TTLL5: variants seen among roughly 807,000 people sequenced by gnomAD.
The protein encoded by TTLL5 is tubulin tyrosine ligase like 5, also known as tubulin polyglutamylase TTLL5.
TTLL5 carries 132 observed loss-of-function variants against 168.4 expected under a neutral mutation model. The observed-to-expected ratio is 0.78, with a 90% confidence interval of 0.68 to 0.91. TTLL5 has a LOEUF of 0.91. Among genes scored for constraint, TTLL5 ranks in the 40% least tolerant of loss-of-function variants. The pLI is 0.00. For missense variants in TTLL5, 1,545 were observed against 1,581.5 expected, an observed-to-expected ratio of 0.98 and a Z score of 0.39; for synonymous variants, 546 against 558.6, an observed-to-expected ratio of 0.98 and a Z score of 0.32.
intron 29 of TTLL5, 96 bp downstream of exon 29, chr14:75,863,958 A>G (rs1331922405): frequency 7.8e-7 from 1 of 1,288,042 alleles, no homozygotes; most frequent in African/African-American, 1.6e-5. Flanking sequence ...GAAATGTAGG[A>G]TTAGTTTTCC....
intron 28 of TTLL5, among the ~76,000 whole-genome samples, chr14:75,836,456 A>G (rs1037459951): frequency 1.3e-5 from 2 of 152,168 alleles, no homozygotes; most frequent in African/African-American, 4.8e-5. Context: ...ACAAAAAAAA[A>G]ATAGAATGAG....
At chr14:75,786,964 C>A (rs1455582135) in intron 26 of TTLL5, among the ~76,000 whole-genome samples, 2 of 152,098 alleles carry the variant, frequency 1.3e-5, no homozygotes, top group Non-Finnish European at 2.9e-5. Flanking sequence ...AAAACCCAAT[C>A]TCTACTGAAA....
chr14:75,675,044 A>G (rs1884032480), intron 3 of TTLL5, among the ~76,000 whole-genome samples: 1 of 152,176 alleles, frequency 6.6e-6, no homozygotes, highest in Admixed American at 6.5e-5. Flanking sequence ...TTTAAAAAGT[A>G]AATTCATATA....
At chr14:75,952,441 GAAACAGTTTGACAGTTCCTT>G (rs2034990475) in intron 31 of TTLL5, among the ~76,000 whole-genome samples, 1 of 152,224 alleles carries the variant, frequency 6.6e-6, no homozygotes, top group African/African-American at 2.4e-5. Flanking sequence ...ACTGCTTTTG[GAAACAGTTTGACAGTTCCTT>G]AAACAGTTTA....
At chr14:75,688,564 C>G (rs1304100624) in intron 5 of TTLL5, among the ~76,000 whole-genome samples, 1 of 152,172 alleles carries the variant, frequency 6.6e-6, no homozygotes, top group Non-Finnish European at 1.5e-5. Flanking sequence ...CTATTTATAG[C>G]CAGGTGGTTA....
At chr14:75,827,200 G>GT (rs1382887122) in intron 28 of TTLL5, among the ~76,000 whole-genome samples, 2 of 152,096 alleles carry the variant, frequency 1.3e-5, no homozygotes, top group Non-Finnish European at 2.9e-5. Flanking sequence ...AAACAAAATT[G>GT]TACTTGCTTG....
chr14:75,776,120 G>A (rs931545358), intron 22 of TTLL5, among the ~76,000 whole-genome samples: 1 of 152,046 alleles, frequency 6.6e-6, no homozygotes, highest in Non-Finnish European at 1.5e-5. Flanking sequence ...TCTATATCCC[G>A]GGATCTCAGA....
In TTLL5 at chr14:75,761,578, A is replaced by T. The variant is rs1390265260; in HGVS notation, c.1551-3037A>T. ...GCATGCTGAGTGAAAGAAGCCTTAT[A>T]CAAAACAGTTCATACTGTATGGTTT... On this transcript the variant is annotated intron_variant, in intron 18 of 31. Coordinates refer to ENST00000298832, the MANE Select transcript of TTLL5 (RefSeq NM_015072.5). Among the ~76,000 whole-genome samples, 3 of 152,342 alleles carry T rather than the reference A, an allele frequency of 2.0e-5. No homozygotes were observed. The East Asian group carries it at 5.8e-4, about 29-fold the overall frequency.
intron 9 of TTLL5, among the ~76,000 whole-genome samples, chr14:75,714,322 TGTAATTA>T (rs1330697971): frequency 3.3e-5 from 5 of 152,232 alleles, no homozygotes; most frequent in African/African-American, 1.2e-4. Flanking sequence ...TCTTACCCTT[TGTAATTA>T]GTAAGTATTT....
At chr14:75,694,989 C>T (rs1474629469) in intron 6 of TTLL5, among the ~76,000 whole-genome samples, 1 of 152,018 alleles carries the variant, frequency 6.6e-6, no homozygotes, top group Non-Finnish European at 1.5e-5. Flanking sequence ...AATCTGGGCA[C>T]CTTGAAAAAA....
intron 28 of TTLL5, among the ~76,000 whole-genome samples, chr14:75,845,413 T>C (rs1896492688): frequency 6.6e-6 from 1 of 152,222 alleles, no homozygotes; most frequent in South Asian, 2.1e-4. Context: ...CACTTTTTAG[T>C]ACTTACACAT....
At chr14:75,677,298 T>C (rs1884237019) in intron 3 of TTLL5, among the ~76,000 whole-genome samples, 1 of 151,906 alleles carries the variant, frequency 6.6e-6, no homozygotes, top group African/African-American at 2.4e-5. Flanking sequence ...ATAGAGAAAT[T>C]AAACAATTTA....
chr14:75,745,356 C>T (rs536422165), intron 16 of TTLL5, 134 bp from the exon 17 acceptor site: 8 of 1,197,388 alleles, frequency 6.7e-6, no homozygotes, highest in South Asian at 2.8e-5. Context: ...CAGGGAAGAA[C>T]ATTTTAAATG....
chr14:75,737,465 G>A (rs1888981753), intron 15 of TTLL5: 1 of 1,227,876 alleles, frequency 8.1e-7, no homozygotes, highest in Admixed American at 2.7e-5. Context: ...TTTCTGCTTG[G>A]AGATTATTTT....
rs532915488 is a variant in TTLL5, at chr14:75,768,163, T to A, written c.2015+1795T>A. The stretch of plus-strand genomic sequence containing the variant: ...GGTTCAGCAAGGATAAAAAAAGAAT[T>A]GAGCCCTGGGGAATACCACTGTTCA... On this transcript the variant is annotated intron_variant, in intron 20 of 31. Coordinates refer to ENST00000298832, the MANE Select transcript of TTLL5 (RefSeq NM_015072.5). Among the ~76,000 whole-genome samples the A allele has an allele frequency of 4.6e-5, 7 of 152,236 alleles. No individual in the cohort carries two copies. In the South Asian group the frequency reaches 1.5e-3, roughly 32 times the overall value.
chr14:75,737,814 C>T (rs557083305), intron 15 of TTLL5, among the ~76,000 whole-genome samples: 1 of 152,222 alleles, frequency 6.6e-6, no homozygotes, highest in South Asian at 2.1e-4. Context: ...TAGGGATCCT[C>T]TTTTCCTGAT....
intron 7 of TTLL5, among the ~76,000 whole-genome samples, chr14:75,702,423 G>A (rs1886335076): frequency 6.6e-6 from 1 of 152,190 alleles, no homozygotes; most frequent in Admixed American, 6.5e-5. Flanking sequence ...AAATGGAATT[G>A]CTATTGAAAG....
chr14:75,941,898 T>G (rs901601257), intron 31 of TTLL5, among the ~76,000 whole-genome samples: 1 of 150,668 alleles, frequency 6.6e-6, no homozygotes, highest in Non-Finnish European at 1.5e-5. Flanking sequence ...GTCATAGGAT[T>G]TCATAAAAAT....
intron 29 of TTLL5, among the ~76,000 whole-genome samples, chr14:75,869,580 C>T (rs1173162563): frequency 6.6e-6 from 1 of 152,058 alleles, no homozygotes; most frequent in Admixed American, 6.6e-5. Flanking sequence ...TTACAGCTGC[C>T]CTCTTATTAG....
Sources: gnomAD v4.1 joint callset for allele counts (sites outside exome capture counted in the v4.1 genomes callset) on GRCh38, gnomAD v4.1.1 for gene constraint, MANE v1.5 for transcripts, NCBI Gene and HGNC (gene_info 2026-07-23, HGNC 2026-07-21) for gene names.